Variants in PRKN observed in about 807,000 individuals in gnomAD.
PRKN encodes the protein parkin RBR E3 ubiquitin protein ligase.
A neutral mutation model predicts 59.5 loss-of-function variants in PRKN; 56 were observed. That is an observed-to-expected ratio of 0.94 (90% confidence interval 0.76 to 1.18). The LOEUF (loss-of-function observed/expected upper bound fraction) is 1.18. Ranked by LOEUF, PRKN falls within the 50% of genes most tolerant of loss-of-function variation. The pLI, the probability that PRKN is intolerant of heterozygous loss-of-function variation, is 0.00. For missense variants in PRKN, 657 were observed against 596.4 expected (o/e 1.10, Z -1.06); for synonymous variants, 250 against 222.1 (o/e 1.13, Z -1.12).
intron 3 of PRKN, among the ~76,000 whole-genome samples, chr6:162,254,664 A>T (rs555765361): frequency 3.5e-4 from 53 of 152,118 alleles, no homozygotes; most frequent in Admixed American, 9.8e-4. Context: ...CTTGTTCCTA[A>T]CTGCCCCCAT....
chr6:162,652,752 C>T (rs867664649), intron 1 of PRKN, among the ~76,000 whole-genome samples: 2 of 151,408 alleles, frequency 1.3e-5, no homozygotes, highest in Non-Finnish European at 2.9e-5. Flanking sequence ...CCAGCCTGGG[C>T]AACAGCTGAC....
At position 161,454,186 on chromosome 6, in the gene PRKN, C is replaced by T. The variant is rs957068273; in HGVS notation, c.1084-67309G>A. On this transcript the variant is annotated intron_variant, in intron 9 of 11. Coordinates refer to ENST00000366898, the MANE Select transcript of PRKN (RefSeq NM_004562.3). The surrounding 1 kb of genome is among the most constrained non-coding windows in gnomAD (Gnocchi z 4.6). ...TGCCAGCAGCATTTTGGCGATGTCC[C>T]CTTGGGTCACAGAACGGCAGCATGG... 6.6e-6 allele frequency among the ~76,000 whole-genome samples: 1 copy of T among 152,092 alleles called. No individual in the cohort carries two copies. Among genetic ancestry groups the T allele is most frequent in the Admixed American group, 6.6e-5 (1 of 15,266 alleles).
chr6:161,387,956 C>G (rs1008958046), intron 9 of PRKN, among the ~76,000 whole-genome samples: 1 of 152,192 alleles, frequency 6.6e-6, no homozygotes, highest in Non-Finnish European at 1.5e-5. Context: ...GGAACCAATG[C>G]CCTCTACCCG....
At position 161,545,516 on chromosome 6, in the gene PRKN, C is replaced by T; in HGVS notation, c.1083+3338G>A. On this transcript the variant is annotated intron_variant, in intron 9 of 11. Transcript: ENST00000366898. The surrounding 1 kb of genome is among the most constrained non-coding windows in gnomAD (Gnocchi z 4.1). Reference sequence around the variant, plus strand: ...TGGCCATGTTCTACTTCTGAAATGACATAATCTAACCACAATTTCTTCCAG... The same window carrying T: ...TGGCCATGTTCTACTTCTGAAATGATATAATCTAACCACAATTTCTTCCAG... The T allele has an allele frequency of 9.9e-7, 1 of 1,010,634 alleles. No homozygotes were observed. Among genetic ancestry groups the T allele is most frequent in the Non-Finnish European group, 1.6e-6 (1 of 641,950 alleles). The allele number at this position is 1,010,634 out of a possible 1,614,324, so 62.6% of individuals were successfully genotyped here.
At chr6:162,530,137 T>TA (rs34337550) in intron 1 of PRKN, among the ~76,000 whole-genome samples, 187 of 120,912 alleles carry the variant, frequency 1.5e-3, no homozygotes, top group South Asian at 4.1e-3. Context: ...TCAGTCTCAA[T>TA]AAAAAAAAAA....
intron 9 of PRKN, among the ~76,000 whole-genome samples, chr6:161,476,597 TA>T (rs1247621498): frequency 6.6e-6 from 1 of 152,130 alleles, no homozygotes; most frequent in East Asian, 1.9e-4. Context: ...TGATGGTGAT[TA>T]AAAAGGCCAT....
intron 6 of PRKN, among the ~76,000 whole-genome samples, chr6:161,951,479 C>CT (rs947723520): frequency 6.6e-6 from 1 of 152,176 alleles, no homozygotes; most frequent in African/African-American, 2.4e-5. Flanking sequence ...AGTACAGACA[C>CT]TGTCACTGGT....
At chr6:161,594,622 T>C (rs940088279) in intron 7 of PRKN, among the ~76,000 whole-genome samples, 2 of 152,228 alleles carry the variant, frequency 1.3e-5, no homozygotes, top group Non-Finnish European at 2.9e-5. Flanking sequence ...CAGGGTCACA[T>C]ATTTGATTTA....
At chr6:162,378,805 G>T (rs982045363) in intron 2 of PRKN, among the ~76,000 whole-genome samples, 19 of 152,172 alleles carry the variant, frequency 1.2e-4, no homozygotes, top group African/African-American at 4.6e-4. Flanking sequence ...ACCTGAAGGA[G>T]CCTCTAATGG....
intron 7 of PRKN, among the ~76,000 whole-genome samples, chr6:161,672,577 A>C (rs533540570): frequency 1.3e-5 from 2 of 152,308 alleles, no homozygotes; most frequent in South Asian, 4.1e-4. Context: ...GGAGTTCGAG[A>C]CCAGCCTGGA....
intron 1 of PRKN, among the ~76,000 whole-genome samples, chr6:162,450,277 T>C (rs970446430): frequency 2.8e-5 from 4 of 144,410 alleles, no homozygotes; most frequent in African/African-American, 1.1e-4. Context: ...TGACTGTAAA[T>C]GCCCCTTTGA....
chr6:162,338,127 G>A (rs1783932624), intron 2 of PRKN, among the ~76,000 whole-genome samples: 1 of 152,154 alleles, frequency 6.6e-6, no homozygotes, highest in Non-Finnish European at 1.5e-5. Context: ...AGAAGCATTT[G>A]CTCCTGACTT....
chr6:162,587,018 C>G (rs1781087651), intron 1 of PRKN, among the ~76,000 whole-genome samples: 1 of 152,106 alleles, frequency 6.6e-6, no homozygotes, highest in African/African-American at 2.4e-5. Context: ...TCACCAGATC[C>G]AAGTGGAAGA....
intron 2 of PRKN, among the ~76,000 whole-genome samples, chr6:162,420,092 G>A (rs753303939): frequency 2.6e-5 from 4 of 151,908 alleles, no homozygotes; most frequent in Non-Finnish European, 5.9e-5. Context: ...ATATATAATG[G>A]AATAATTATA....
chr6:162,668,416 A>C (rs1779185700), intron 1 of PRKN, among the ~76,000 whole-genome samples: 1 of 152,332 alleles, frequency 6.6e-6, no homozygotes, highest in East Asian at 1.9e-4. Context: ...AATGCTGGCC[A>C]AGTGCCAAAG....
intron 3 of PRKN, among the ~76,000 whole-genome samples, chr6:162,232,925 T>C (rs1362303306): frequency 6.9e-6 from 1 of 145,586 alleles, no homozygotes; most frequent in African/African-American, 2.5e-5. Flanking sequence ...AAAACTTATG[T>C]TTGGGTAAAA....
chr6:162,589,615 T>C (rs1781219948), intron 1 of PRKN, among the ~76,000 whole-genome samples: 1 of 152,204 alleles, frequency 6.6e-6, no homozygotes. Flanking sequence ...AACACATCTT[T>C]TCATGGTGTA....
intron 9 of PRKN, among the ~76,000 whole-genome samples, chr6:161,489,397 T>C (rs1046533969): frequency 4.4e-4 from 67 of 151,946 alleles, no homozygotes; most frequent in African/African-American, 1.5e-3. Context: ...CTGTCTCTAC[T>C]AAAAATACAA....
intron 1 of PRKN, among the ~76,000 whole-genome samples, chr6:162,542,824 C>G (rs1258628918): frequency 6.6e-6 from 1 of 152,172 alleles, no homozygotes; most frequent in African/African-American, 2.4e-5. Context: ...GCACAGCACT[C>G]GCGCAAACCC....
Sources: gnomAD v4.1 joint callset for allele counts (sites outside exome capture counted in the v4.1 genomes callset) on GRCh38, gnomAD v4.1.1 for gene constraint, Gnocchi (gnomAD v3.1) non-coding constraint, MANE v1.5 for transcripts, NCBI Gene and HGNC (gene_info 2026-07-23, HGNC 2026-07-21) for gene names.